DNAH6: variants seen among roughly 807,000 people sequenced by gnomAD.
The protein encoded by DNAH6 is axonemal beta dynein heavy chain 6.
DNAH6 carries 340 observed loss-of-function variants against 491.4 expected under a neutral mutation model. That is an observed-to-expected ratio of 0.69 (90% CI 0.63 to 0.76). The LOEUF is 0.76. Among genes scored for constraint, DNAH6 ranks in the 30% least tolerant of loss-of-function variants. The probability of loss-of-function intolerance (pLI) is 0.00; values close to 1 mark genes in which losing one functional copy is unlikely to be tolerated. For synonymous variants in DNAH6, 1,603 were observed against 1,686.1 expected (o/e 0.95, Z 1.21); for missense variants, 4,443 against 4,972.2 (o/e 0.89, Z 3.20).
intron 2 of DNAH6, among the ~76,000 whole-genome samples, chr2:84,521,256 G>A (rs998640754): frequency 9.9e-5 from 15 of 151,472 alleles, no homozygotes; most frequent in African/African-American, 3.4e-4. Flanking sequence ...ATGCTTGTTC[G>A]CTATGTCTAT....
intron 33 of DNAH6, among the ~76,000 whole-genome samples, chr2:84,648,391 A>C (rs961972699): frequency 6.6e-6 from 1 of 152,248 alleles, no homozygotes; most frequent in Non-Finnish European, 1.5e-5. Flanking sequence ...GTGATGCTCT[A>C]TCTGCCATTG....
At chr2:84,681,324 T>A in intron 41 of DNAH6, 33 bp from the exon 42 acceptor site, 1 of 1,465,456 alleles carries the variant, frequency 6.8e-7, no homozygotes, top group Non-Finnish European at 9.1e-7. Flanking sequence ...TTAAAATAAA[T>A]CTAATCCTCT....
chr2:84,653,266 G>A, intron 33 of DNAH6, 53 bp from the exon 34 acceptor site: 1 of 1,340,758 alleles, frequency 7.5e-7, no homozygotes, highest in Non-Finnish European at 1.0e-6. Context: ...AACAAATACG[G>A]GAAAATATCA....
intron 69 of DNAH6, among the ~76,000 whole-genome samples, chr2:84,797,265 C>T (rs1031283125): frequency 9.9e-5 from 15 of 152,210 alleles, no homozygotes; most frequent in Non-Finnish European, 1.6e-4. Context: ...TTACACCTTT[C>T]AGCAGCATAT....
chr2:84,672,384 TG>T lies in DNAH6; in HGVS notation c.6514del (p.Asp2172IlefsTer35), dbSNP rs1692819648. On this transcript the variant is annotated frameshift_variant, in exon 40 of 77. Coordinates refer to ENST00000389394, the MANE Select transcript of DNAH6 (RefSeq NM_001370.2). LOFTEE classifies it high-confidence loss of function. ...IFVDDLNMPR[L>X]DRYGSQPPIE... ...GTTGATGATTTAAACATGCCCAGAC[TG>T]GATCGCTATGGCTCTCAGCCTCCGA... 1 of 1,551,790 alleles carries T rather than the reference TG, an allele frequency of 6.4e-7. No homozygotes were observed. Among genetic ancestry groups the T allele is most frequent in the Non-Finnish European group, 8.7e-7 (1 of 1,146,938 alleles).
In DNAH6 at chr2:84,549,974, A is replaced by G; in HGVS notation, c.1402A>G (p.Thr468Ala). ...NAVNSLLNHL[T>A]DKLKRTPSAD... ...TGTTAATTCGCTTTTGAACCATCTC[A>G]CTGACAAGCTAAAACGAACACCTTC... The change falls in exon 9 of 77, where the codon ACT becomes GCT. Residue 468 changes from threonine to alanine, a missense_variant. Transcript: ENST00000389394. The G allele has an allele frequency of 6.2e-7, 1 of 1,613,814 alleles. No individual in the cohort carries two copies. The highest frequency in any genetic ancestry group is 8.5e-7 in the Non-Finnish European group (1 of 1,179,758).
At chr2:84,633,442 G>C (rs1688587748) in intron 29 of DNAH6, among the ~76,000 whole-genome samples, 1 of 152,088 alleles carries the variant, frequency 6.6e-6, no homozygotes, top group Admixed American at 6.6e-5. Context: ...AGAACAGAGA[G>C]AGGAAGGACC....
intron 37 of DNAH6, among the ~76,000 whole-genome samples, chr2:84,663,926 G>C (rs1410440196): frequency 6.6e-6 from 1 of 152,188 alleles, no homozygotes; most frequent in African/African-American, 2.4e-5. Context: ...AGCCAAAAGA[G>C]AGTGGTGGCC....
chr2:84,599,911 A>C (rs1368438948), intron 18 of DNAH6, among the ~76,000 whole-genome samples: 1 of 152,200 alleles, frequency 6.6e-6, no homozygotes, highest in Non-Finnish European at 1.5e-5. Flanking sequence ...CTTATGGTCC[A>C]AAAACATACT....
intron 42 of DNAH6, 128 bp from the exon 43 acceptor site, chr2:84,685,198 C>T (rs1379539017): frequency 8.7e-6 from 5 of 574,728 alleles, no homozygotes; most frequent in Non-Finnish European, 1.4e-5. Context: ...TGTATATCCA[C>T]TGGGGAAGCA....
the DNAH6 span, among the ~76,000 whole-genome samples, chr2:84,460,679 A>G: frequency 1.4e-5 from 2 of 139,396 alleles, no homozygotes; most frequent in Admixed American, 7.7e-5. Context: ...TATAGGAGAA[A>G]TAGTAGTATA....
At chr2:84,779,528 T>C (rs1000830361) in intron 64 of DNAH6, among the ~76,000 whole-genome samples, 2 of 152,232 alleles carry the variant, frequency 1.3e-5, no homozygotes, top group Admixed American at 1.3e-4. Context: ...GCCTATTGGT[T>C]TTGTTGCATG....
intron 18 of DNAH6, among the ~76,000 whole-genome samples, chr2:84,598,700 T>C (rs143130870): frequency 1.2e-4 from 19 of 152,310 alleles, no homozygotes; most frequent in African/African-American, 4.1e-4. Flanking sequence ...TGTTTTTTAA[T>C]TTCAGTCATT....
chr2:84,693,257 G>A lies in DNAH6; in HGVS notation c.7293-992G>A, dbSNP rs543409267. Among the ~76,000 whole-genome samples, 47 of 152,026 alleles carry A rather than the reference G, an allele frequency of 3.1e-4. No homozygotes were observed. The South Asian group carries it at 8.1e-3, about 26-fold the overall frequency. Reference sequence around the variant, plus strand: ...TTGCTATCTTTTTTCTGAGTTCTGGGTATATTCCTGGAGTTTGGCCTCTAC... The same window carrying A: ...TTGCTATCTTTTTTCTGAGTTCTGGATATATTCCTGGAGTTTGGCCTCTAC... On this transcript the variant is annotated intron_variant, in intron 45 of 76. Transcript: ENST00000389394.
At position 84,784,718 on chromosome 2, in the gene DNAH6, G is replaced by A. The variant is rs1270750322; in HGVS notation, c.10865-4G>A. 1 of 1,537,542 alleles carries A rather than the reference G, an allele frequency of 6.5e-7. No homozygotes were observed. Among genetic ancestry groups the A allele is most frequent in the Admixed American group, 2.0e-5 (1 of 50,738 alleles). On this transcript the variant is annotated splice_region_variant and splice_polypyrimidine_tract_variant and intron_variant, in intron 65 of 76. Transcript: ENST00000389394. ...TTTTGTTGTTTTATCTTTGTTTTAAGCAGATAGTGCTATCAAGGACACTTT... is the reference window on the plus strand; with the variant it reads ...TTTTGTTGTTTTATCTTTGTTTTAAACAGATAGTGCTATCAAGGACACTTT...
At chr2:84,530,533 A>G (rs1009512145) in intron 4 of DNAH6, among the ~76,000 whole-genome samples, 2 of 152,208 alleles carry the variant, frequency 1.3e-5, no homozygotes, top group African/African-American at 4.8e-5. Context: ...CTTGTTGGCT[A>G]CAACAATGGA....
In DNAH6 at chr2:84,812,500, C is replaced by T. The variant is rs1680087984; in HGVS notation, c.11899C>T (p.Leu3967Phe). 3 of 1,551,082 alleles carry T rather than the reference C, an allele frequency of 1.9e-6. No individual in the cohort carries two copies. The highest frequency in any genetic ancestry group is 2.4e-5 in the South Asian group (2 of 83,840). ...GCCACTAGGATCATGGGTCAAAGAC[C>T]TTATCCTGAGGACCTCATTTGTGGA... The part of the protein sequence containing the change: ...LKPLGSWVKD[L>F]ILRTSFVDLW... The change falls in exon 73 of 77, where the codon CTT becomes TTT. Residue 3967 changes from leucine to phenylalanine, a missense_variant. Physicochemically the swap from Leu to Phe is conservative, Grantham distance 22. This residue lies in a region of DNAH6 where 1,463 missense variants were observed against 1,656.6 expected (regional missense o/e 0.88). Transcript: ENST00000389394.
chr2:84,623,769 T>A (rs1273839213), intron 26 of DNAH6, among the ~76,000 whole-genome samples: 1 of 152,194 alleles, frequency 6.6e-6, no homozygotes, highest in Non-Finnish European at 1.5e-5. Context: ...AAGTAAAAAT[T>A]TAGCTAACTC....
At chr2:84,765,363 G>A (rs115323165) in intron 64 of DNAH6, among the ~76,000 whole-genome samples, 5,728 of 152,062 alleles carry the variant, frequency 0.038, 174 homozygotes, top group Non-Finnish European at 0.063. Context: ...TAACTTCATC[G>A]CTTTTGTGAC....
Sources: allele counts gnomAD v4.1 joint callset (sites outside exome capture counted in the v4.1 genomes callset), GRCh38; gene constraint gnomAD v4.1.1; regional missense constraint gnomAD v4.1.1; transcripts MANE v1.5; gene names NCBI Gene and HGNC (gene_info 2026-07-23, HGNC 2026-07-21).